ZC3H13: variants seen among roughly 807,000 people sequenced by gnomAD.
ZC3H13 encodes zinc finger CCCH-type containing 13, also known as zinc finger CCCH domain-containing protein 13.
In ZC3H13, 64 loss-of-function variants were observed where a neutral mutation model predicts 204.1. The observed-to-expected ratio is 0.31, with a 90% CI of 0.26 to 0.39. The LOEUF (loss-of-function observed/expected upper bound fraction) is 0.39, where lower values mean the gene tolerates loss of function less well. ZC3H13 is among the 10% of genes least tolerant of loss of function. ZC3H13 has a pLI of 1.00. For synonymous variants in ZC3H13, 667 were observed against 693.7 expected (o/e 0.96, Z 0.60); for missense variants, 1,833 against 2,082.7 (o/e 0.88, Z 2.33).
chr13:46,036,472 G>T lies in ZC3H13; in HGVS notation c.339+5692C>A, dbSNP rs1229111187. ...TGAAGGTAAGCAATTAGGTTGGGGT[G>T]GGGTAGGAAACATAAACAAATGACA... On this transcript the variant is annotated intron_variant, in intron 4 of 18. Transcript: ENST00000679008. Among the ~76,000 whole-genome samples, 8 of 151,976 alleles carry T rather than the reference G, an allele frequency of 5.3e-5. No individual in the cohort carries two copies. In the South Asian group the frequency reaches 1.5e-3, roughly 28 times the overall value.
At position 46,045,014 on chromosome 13, in the gene ZC3H13, T is replaced by C. The variant is rs764441268; in HGVS notation, c.168A>G (p.Thr56=). Reference sequence around the variant, plus strand: ...GTGAAGGGCCATGTACGAATCTACATGTGTTTCCATAGAGGCAGTTGCCAG... The same window carrying C: ...GTGAAGGGCCATGTACGAATCTACACGTGTTTCCATAGAGGCAGTTGCCAG... The part of the protein sequence containing the change: ...LKTGNCLYGN[T]CRFVHGPSPR... Residue 56 remains threonine, a synonymous_variant, in exon 3 of 19, where the codon ACA becomes ACG. Coordinates refer to ENST00000679008, the MANE Select transcript of ZC3H13 (RefSeq NM_001330564.2). 36 of 1,613,642 alleles carry C rather than the reference T, an allele frequency of 2.2e-5. No individual in the cohort carries two copies. The highest frequency in any genetic ancestry group is 2.8e-5 in the Non-Finnish European group (33 of 1,179,790).
intron 10 of ZC3H13, among the ~76,000 whole-genome samples, chr13:45,983,749 G>A (rs550698527): frequency 6.6e-6 from 1 of 152,086 alleles, no homozygotes; most frequent in East Asian, 1.9e-4. Context: ...ATTTAACACT[G>A]TATTGATAAA....
At chr13:45,971,830 A>T (rs924862783) in intron 12 of ZC3H13, among the ~76,000 whole-genome samples, 1 of 152,214 alleles carries the variant, frequency 6.6e-6, no homozygotes, top group African/African-American at 2.4e-5. Flanking sequence ...TCCCATCAAA[A>T]AGTGGATAAA....
At chr13:46,041,054 G>T (rs1435150885) in intron 4 of ZC3H13, among the ~76,000 whole-genome samples, 3 of 152,096 alleles carry the variant, frequency 2.0e-5, no homozygotes, top group Admixed American at 2.0e-4. Flanking sequence ...AGTTACCGTA[G>T]AACTTGTCAA....
chr13:46,029,497 C>T (rs945175386), intron 4 of ZC3H13, among the ~76,000 whole-genome samples: 21 of 147,520 alleles, frequency 1.4e-4, no homozygotes, highest in Non-Finnish European at 1.6e-4. Context: ...GGCGCGATCT[C>T]GGCTCACTGC....
At chr13:46,043,739 T>C (rs974255982) in intron 3 of ZC3H13, among the ~76,000 whole-genome samples, 2 of 151,914 alleles carry the variant, frequency 1.3e-5, no homozygotes, top group African/African-American at 4.8e-5. Flanking sequence ...TTATAATAAA[T>C]ATTCTTTATT....
chr13:45,997,435 A>G (rs1474811171), intron 8 of ZC3H13, among the ~76,000 whole-genome samples: 1 of 152,152 alleles, frequency 6.6e-6, no homozygotes, highest in East Asian at 1.9e-4. Context: ...CTAGAAGGGT[A>G]TGGGCACTCT....
At chr13:45,980,413 C>A (rs1953462426) in intron 10 of ZC3H13, among the ~76,000 whole-genome samples, 1 of 152,058 alleles carries the variant, frequency 6.6e-6, no homozygotes, top group Non-Finnish European at 1.5e-5. Context: ...CATAGAACAC[C>A]AAGGTTAATG....
Position 45,969,878 on chromosome 13 carries a change from C to A in ZC3H13, c.2666G>T (p.Trp889Leu). The stretch of plus-strand genomic sequence containing the variant: ...TTCTGGTTTACGATCCTCCTCTTTC[C>A]ATCTACCCTGTCTGTCTTCTGTGAG... ...SHLTEDRQGR[W>L]KEEDRKPERK... The change falls in exon 14 of 19, where the codon TGG (tryptophan) becomes TTG (leucine). Residue 889 changes from tryptophan (W) to leucine (L), a missense_variant. By Grantham distance (61) the Trp-to-Leu change is moderately conservative. Coordinates refer to ENST00000679008, the MANE Select transcript of ZC3H13 (RefSeq NM_001330564.2). The A allele has an allele frequency of 6.2e-7, 1 of 1,613,876 alleles. No homozygotes were observed.
At chr13:46,009,635 G>A (rs182990291) in intron 7 of ZC3H13, among the ~76,000 whole-genome samples, 157 of 151,842 alleles carry the variant, frequency 1.0e-3, no homozygotes, top group African/African-American at 3.7e-3. Flanking sequence ...ATTAGGGTAT[G>A]GACTTTAATT....
Position 46,047,156 on chromosome 13 carries a change from T to G in ZC3H13, c.-9-1640A>C, listed in dbSNP as rs148919867. ...AACAGTGTTTGGTTCAATGAGGTAC[T>G]TCAGGTCACACTTTTAAAAGAATCC... On this transcript the variant is annotated intron_variant, in intron 1 of 18. Transcript: ENST00000679008. 2.0e-3 allele frequency among the ~76,000 whole-genome samples: 302 copies of G among 152,328 alleles called. 6 individuals are homozygous for G. The highest frequency in any genetic ancestry group is 1.2e-3 in the Non-Finnish European group (79 of 68,016).
intron 3 of ZC3H13, among the ~76,000 whole-genome samples, chr13:46,043,199 CATAA>C (rs747982503): frequency 3.8e-4 from 58 of 151,950 alleles, no homozygotes; most frequent in Non-Finnish European, 7.7e-4. Flanking sequence ...AAACAAATCA[CATAA>C]ATATTCACAT....
chr13:45,958,656 T>G (rs398044126), intron 18 of ZC3H13, among the ~76,000 whole-genome samples: 1 of 135,740 alleles, frequency 7.4e-6, no homozygotes, highest in Non-Finnish European at 1.6e-5. Flanking sequence ...CAGTTTTTTT[T>G]TTTTTTTTTT....
chr13:45,990,214 C>T (rs899147367), intron 8 of ZC3H13, among the ~76,000 whole-genome samples: 2 of 152,152 alleles, frequency 1.3e-5, no homozygotes, highest in Non-Finnish European at 2.9e-5. Context: ...GCATCCCTCC[C>T]ATTCCAAGTT....
chr13:46,044,436 G>A (rs1333637414), intron 3 of ZC3H13, among the ~76,000 whole-genome samples: 1 of 151,898 alleles, frequency 6.6e-6, no homozygotes, highest in African/African-American at 2.4e-5. Context: ...AAGGCAAAAC[G>A]ATGTTCGAAA....
At chr13:45,960,067 T>C (rs1254536923) in intron 17 of ZC3H13, among the ~76,000 whole-genome samples, 1 of 152,150 alleles carries the variant, frequency 6.6e-6, no homozygotes, top group African/African-American at 2.4e-5. Context: ...TTCTCCTGCC[T>C]CAGCTTCCCG....
At chr13:46,036,370 G>T (rs1167338926) in intron 4 of ZC3H13, among the ~76,000 whole-genome samples, 1 of 152,120 alleles carries the variant, frequency 6.6e-6, no homozygotes, top group Non-Finnish European at 1.5e-5. Context: ...TATAGACTGA[G>T]AATTGAAAAA....
At chr13:46,015,989 T>G (rs1277425143) in intron 5 of ZC3H13, among the ~76,000 whole-genome samples, 1 of 151,534 alleles carries the variant, frequency 6.6e-6, no homozygotes, top group East Asian at 1.9e-4. Context: ...GAACAGACAC[T>G]TCACAAAATA....
intron 4 of ZC3H13, among the ~76,000 whole-genome samples, chr13:46,025,833 T>A (rs2042510236): frequency 6.6e-6 from 1 of 152,028 alleles, no homozygotes; most frequent in Non-Finnish European, 1.5e-5. Flanking sequence ...TTTAAAAAGA[T>A]TAGGGTTTTC....
Sources: gnomAD v4.1 joint callset for allele counts (sites outside exome capture counted in the v4.1 genomes callset) on GRCh38, gnomAD v4.1.1 for gene constraint, MANE v1.5 for transcripts, NCBI Gene and HGNC (gene_info 2026-07-23, HGNC 2026-07-21) for gene names.